The following R3HDM1 variants were observed in gnomAD, a reference collection of about 807,000 sequenced individuals.
R3HDM1 encodes the protein R3H domain containing 1, also known as R3H domain-containing protein 1.
A neutral mutation model predicts 141.1 loss-of-function variants in R3HDM1; 46 were observed. That is an observed-to-expected ratio of 0.33 (90% CI 0.26 to 0.42). R3HDM1 has a LOEUF of 0.42. R3HDM1 is among the 10% of genes least tolerant of loss of function. The pLI is 1.00. For synonymous variants in R3HDM1, 435 were observed against 472.9 expected, an observed-to-expected ratio of 0.92 and a Z score of 1.04; for missense variants, 1,184 against 1,368.3, an observed-to-expected ratio of 0.87 and a Z score of 2.12.
intron 25 of R3HDM1, 48 bp downstream of exon 25, chr2:135,722,054 C>T (rs369390771): frequency 1.9e-6 from 3 of 1,556,844 alleles, no homozygotes; most frequent in Non-Finnish European, 2.7e-6. Context: ...AACATCATAG[C>T]TCCCTCAGAG....
chr2:135,547,163 G>A (rs1006181296), intron 1 of R3HDM1, among the ~76,000 whole-genome samples: 2 of 152,116 alleles, frequency 1.3e-5, no homozygotes, highest in African/African-American at 4.8e-5. Flanking sequence ...GAAGGCATGG[G>A]ATAGAAAACT....
chr2:135,613,074 C>G (rs913851069), intron 3 of R3HDM1, among the ~76,000 whole-genome samples: 1 of 152,166 alleles, frequency 6.6e-6, no homozygotes, highest in Non-Finnish European at 1.5e-5. Context: ...AAAATTACCA[C>G]AAACATAGAG....
At chr2:135,652,100 G>A (rs2065208109) in intron 18 of R3HDM1, 68 bp downstream of exon 18, 1 of 1,486,588 alleles carries the variant, frequency 6.7e-7, no homozygotes, top group East Asian at 2.3e-5. Flanking sequence ...TAACTTCAAA[G>A]AACTTATTTT....
chr2:135,655,707 G>A (rs1005218378), intron 18 of R3HDM1, among the ~76,000 whole-genome samples: 3 of 151,554 alleles, frequency 2.0e-5, no homozygotes, highest in African/African-American at 7.3e-5. Context: ...GGGGTTTCAC[G>A]GTAGTCTCGA....
chr2:135,696,582 C>T (rs899385437), intron 21 of R3HDM1, among the ~76,000 whole-genome samples: 2 of 152,140 alleles, frequency 1.3e-5, no homozygotes, highest in South Asian at 2.1e-4. Context: ...GCCTCAACCT[C>T]CTGGGCTCAA....
chr2:135,651,325 A>G, intron 17 of R3HDM1: 6 of 983,708 alleles, frequency 6.1e-6, no homozygotes, highest in Non-Finnish European at 7.2e-6. Context: ...TAAAGCAAAT[A>G]CTAATTAGTA....
intron 1 of R3HDM1, among the ~76,000 whole-genome samples, chr2:135,555,873 G>A (rs751292735): frequency 1.3e-5 from 2 of 152,090 alleles, no homozygotes; most frequent in Non-Finnish European, 2.9e-5. Flanking sequence ...AAAATTAGCT[G>A]GGCATGGTGG....
At chr2:135,665,097 A>T (rs1281035236) in intron 19 of R3HDM1, among the ~76,000 whole-genome samples, 1 of 152,226 alleles carries the variant, frequency 6.6e-6, no homozygotes, top group Non-Finnish European at 1.5e-5. Context: ...ACTGTCAATA[A>T]CTGGAGTCAA....
chr2:135,594,234 C>G (rs763950118), intron 1 of R3HDM1, among the ~76,000 whole-genome samples: 1 of 152,316 alleles, frequency 6.6e-6, no homozygotes, highest in South Asian at 2.1e-4. Flanking sequence ...ATGTATAGTT[C>G]TTTTAGTACT....
chr2:135,716,844 C>T (rs1228642410), intron 24 of R3HDM1, among the ~76,000 whole-genome samples: 1 of 152,034 alleles, frequency 6.6e-6, no homozygotes, highest in Non-Finnish European at 1.5e-5. Context: ...CCCAGCTACT[C>T]GGGAGGCTGA....
At chr2:135,638,295 A>C (rs2063461968) in intron 11 of R3HDM1, among the ~76,000 whole-genome samples, 1 of 152,228 alleles carries the variant, frequency 6.6e-6, no homozygotes, top group Non-Finnish European at 1.5e-5. Context: ...TTGTTAAGTG[A>C]ATGAAGTGGA....
At chr2:135,583,695 T>G (rs1200736941) in intron 1 of R3HDM1, 1 of 967,478 alleles carries the variant, frequency 1.0e-6, no homozygotes, top group African/African-American at 1.8e-5. Flanking sequence ...CTCTTTTTAT[T>G]TAGAATGTAT....
chr2:135,676,313 T>A (rs72970216), intron 20 of R3HDM1, among the ~76,000 whole-genome samples: 3,300 of 152,250 alleles, frequency 0.022, 132 homozygotes, highest in African/African-American at 0.076. Context: ...AGACTCCATC[T>A]CAAAAATAAA....
intron 19 of R3HDM1, among the ~76,000 whole-genome samples, chr2:135,668,427 C>T (rs1245326512): frequency 1.3e-5 from 2 of 152,184 alleles, no homozygotes; most frequent in Admixed American, 1.3e-4. Context: ...AGTGATAAAA[C>T]ATTTCATCAT....
intron 19 of R3HDM1, among the ~76,000 whole-genome samples, chr2:135,671,792 A>G (rs1036936035): frequency 2.0e-5 from 3 of 151,730 alleles, no homozygotes; most frequent in African/African-American, 7.3e-5. Flanking sequence ...CCTGGCCAAC[A>G]TGGTGAAACC....
chr2:135,616,897 T>C (rs1200371001), intron 5 of R3HDM1, 140 bp downstream of exon 5: 12 of 698,214 alleles, frequency 1.7e-5, no homozygotes, highest in Non-Finnish European at 2.3e-5. Context: ...CCAAGAGATA[T>C]ATGAAAAGTT....
intron 1 of R3HDM1, chr2:135,533,906 G>A (rs1326837102): frequency 7.9e-6 from 6 of 762,102 alleles, no homozygotes; most frequent in Non-Finnish European, 3.2e-6. Context: ...TAGAGGTAAA[G>A]TATGTAAATC....
chr2:135,577,892 A>C (rs1230390304), intron 1 of R3HDM1, among the ~76,000 whole-genome samples: 1 of 151,810 alleles, frequency 6.6e-6, no homozygotes, highest in East Asian at 1.9e-4. Flanking sequence ...TTTCTCATCT[A>C]CCAGATTAGT....
intron 17 of R3HDM1, chr2:135,651,408 A>T: frequency 2.0e-6 from 2 of 980,928 alleles, no homozygotes; most frequent in Non-Finnish European, 2.4e-6. Flanking sequence ...GGCCAATTTC[A>T]CTTCTACATT....
Sources: gnomAD v4.1 joint callset for allele counts (sites outside exome capture counted in the v4.1 genomes callset) on GRCh38, gnomAD v4.1.1 for gene constraint, MANE v1.5 for transcripts, NCBI Gene and HGNC (gene_info 2026-07-23, HGNC 2026-07-21) for gene names.